The following LHFPL3 variants were observed in gnomAD, a reference collection of about 807,000 sequenced individuals.
The protein encoded by LHFPL3 is LHFPL tetraspan subfamily member 3 protein.
A neutral mutation model predicts 19.3 loss-of-function variants in LHFPL3; 5 were observed. The ratio of observed to expected loss-of-function variants is 0.26; its 90% CI spans 0.14 to 0.54. The LOEUF is 0.54. LHFPL3 is among the 20% of genes least tolerant of loss of function. The pLI is 0.94. For missense variants in LHFPL3, 249 were observed against 307.4 expected (o/e 0.81, Z 1.42); for synonymous variants, 133 against 126.2 (o/e 1.05, Z -0.36).
chr7:104,504,783 A>G (rs1033477029), intron 1 of LHFPL3, among the ~76,000 whole-genome samples: 1 of 152,220 alleles, frequency 6.6e-6, no homozygotes, highest in Non-Finnish European at 1.5e-5. Flanking sequence ...AATTCAAGAT[A>G]ACTTACTCAG....
intron 1 of LHFPL3, among the ~76,000 whole-genome samples, chr7:104,493,434 A>C (rs10216100): frequency 0.13 from 20,304 of 151,418 alleles, 2,508 homozygotes; most frequent in African/African-American, 0.33. Flanking sequence ...CCTGATCTAA[A>C]TTTCAGTGCT....
intron 2 of LHFPL3, among the ~76,000 whole-genome samples, chr7:104,862,798 G>A (rs1417703773): frequency 6.6e-6 from 1 of 152,160 alleles, no homozygotes; most frequent in Non-Finnish European, 1.5e-5. Context: ...GAAGTAAGCA[G>A]AGCCTGATAA....
intron 1 of LHFPL3, among the ~76,000 whole-genome samples, chr7:104,709,814 G>A (rs1008967376): frequency 2.8e-4 from 34 of 123,518 alleles, no homozygotes; most frequent in African/African-American, 8.6e-4. Flanking sequence ...TGGCGGCTGC[G>A]AAGAGGCGTT....
chr7:104,355,003 T>G (rs1329883416), intron 1 of LHFPL3, among the ~76,000 whole-genome samples: 1 of 152,238 alleles, frequency 6.6e-6, no homozygotes, highest in Non-Finnish European at 1.5e-5. Flanking sequence ...TGCTAAATTT[T>G]CAGTGGTCAA....
At chr7:104,421,810 T>C (rs900736670) in intron 1 of LHFPL3, among the ~76,000 whole-genome samples, 2 of 152,204 alleles carry the variant, frequency 1.3e-5, no homozygotes, top group Non-Finnish European at 2.9e-5. Context: ...CCCAAATTCA[T>C]ACATTGAAAT....
intron 1 of LHFPL3, among the ~76,000 whole-genome samples, chr7:104,682,787 G>T (rs552650553): frequency 5.9e-5 from 9 of 152,290 alleles, no homozygotes; most frequent in African/African-American, 1.9e-4. Flanking sequence ...ATTTTAATAT[G>T]CAACCATTTG....
chr7:104,462,873 G>GT (rs974659271), intron 1 of LHFPL3, among the ~76,000 whole-genome samples: 65 of 151,730 alleles, frequency 4.3e-4, no homozygotes, highest in Admixed American at 2.8e-3. Flanking sequence ...TGGTCCTGGG[G>GT]TTTTTTTTGG....
At chr7:104,865,480 G>T (rs28827244) in intron 2 of LHFPL3, among the ~76,000 whole-genome samples, 34,931 of 152,016 alleles carry the variant, frequency 0.23, 4,305 homozygotes, top group South Asian at 0.39. Context: ...TATCAGTGAT[G>T]GAAGATCAAA....
intron 2 of LHFPL3, among the ~76,000 whole-genome samples, chr7:104,804,651 T>C (rs1790320185): frequency 6.6e-6 from 1 of 152,192 alleles, no homozygotes; most frequent in Non-Finnish European, 1.5e-5. Context: ...AGCTGCCATG[T>C]TGGGAGAGGC....
intron 1 of LHFPL3, among the ~76,000 whole-genome samples, chr7:104,453,635 C>G (rs1792485817): frequency 2.0e-5 from 3 of 152,136 alleles, no homozygotes; most frequent in African/African-American, 7.2e-5. Context: ...AATTTATCCC[C>G]AACCAAATCT....
At chr7:104,556,179 G>A (rs1789827610) in intron 1 of LHFPL3, among the ~76,000 whole-genome samples, 1 of 152,186 alleles carries the variant, frequency 6.6e-6, no homozygotes, top group Non-Finnish European at 1.5e-5. Flanking sequence ...AGGGTCTGGA[G>A]GACATTGGCC....
rs536122769 is a variant in LHFPL3 at position 104,343,512 on chromosome 7, C to CAAAA, written c.445+14324_445+14327dup. On this transcript the variant is annotated intron_variant, in intron 1 of 2. Transcript: ENST00000424859. ...TGGGCAACAGAGTGAGACTCTGTCTCAAAAAAAAAAAAAAAAAAAAAAAAA... is the reference window on the plus strand; with the variant it reads ...TGGGCAACAGAGTGAGACTCTGTCTCAAAAAAAAAAAAAAAAAAAAAAAAAAAAA... Among the ~76,000 whole-genome samples, 6 of 47,474 alleles carry CAAAA rather than the reference C, an allele frequency of 1.3e-4. 1 individual carries two copies. The highest frequency in any genetic ancestry group is 2.1e-4 in the Non-Finnish European group (5 of 24,042). The allele number at this position is 47,474 out of a possible 152,430, so 31.1% of individuals were successfully genotyped here. A position where few individuals can be genotyped will look rare whatever the true frequency, so the allele number is the denominator to read the frequency against.
chr7:104,388,205 G>A (rs576081573), intron 1 of LHFPL3, among the ~76,000 whole-genome samples: 49 of 152,242 alleles, frequency 3.2e-4, no homozygotes, highest in African/African-American at 1.1e-3. Context: ...CACCTAGATT[G>A]ATTCCATGTC....
chr7:104,410,420 G>A (rs1203187808), intron 1 of LHFPL3, among the ~76,000 whole-genome samples: 2 of 152,144 alleles, frequency 1.3e-5, no homozygotes, highest in Non-Finnish European at 2.9e-5. Flanking sequence ...GGCATGAGCC[G>A]CTGCACCCGG....
At chr7:104,499,893 A>C (rs1793567317) in intron 1 of LHFPL3, among the ~76,000 whole-genome samples, 1 of 152,258 alleles carries the variant, frequency 6.6e-6, no homozygotes, top group Non-Finnish European at 1.5e-5. Context: ...AAAGGAAAAT[A>C]CTGCTGGAAA....
At chr7:104,636,137 C>G (rs1019053616) in intron 1 of LHFPL3, among the ~76,000 whole-genome samples, 6 of 152,000 alleles carry the variant, frequency 3.9e-5, no homozygotes, top group Admixed American at 6.6e-5. Flanking sequence ...TGGACTTAAC[C>G]AAAAGTTGAA....
At chr7:104,512,292 G>GA (rs1793833524) in intron 1 of LHFPL3, among the ~76,000 whole-genome samples, 3 of 151,950 alleles carry the variant, frequency 2.0e-5, no homozygotes, top group Non-Finnish European at 4.4e-5. Context: ...TTAAACAAGG[G>GA]TAGGTATTTA....
intron 2 of LHFPL3, among the ~76,000 whole-genome samples, chr7:104,863,535 G>A (rs1161803397): frequency 1.3e-5 from 2 of 152,224 alleles, no homozygotes; most frequent in African/African-American, 4.8e-5. Flanking sequence ...GACAGCTTGT[G>A]ATCAGGATGT....
chr7:104,370,716 A>T (rs1398325760), intron 1 of LHFPL3, among the ~76,000 whole-genome samples: 1 of 152,112 alleles, frequency 6.6e-6, no homozygotes, highest in Non-Finnish European at 1.5e-5. Flanking sequence ...ACCCGTCTCT[A>T]CTAAAAATAC....
Sources: gnomAD v4.1 joint callset for allele counts (sites outside exome capture counted in the v4.1 genomes callset) on GRCh38, gnomAD v4.1.1 for gene constraint, MANE v1.5 for transcripts, NCBI Gene and HGNC (gene_info 2026-07-23, HGNC 2026-07-21) for gene names.